GNAI1: variants seen among roughly 807,000 people sequenced by gnomAD.
The protein encoded by GNAI1 is guanine nucleotide-binding protein G(i) subunit alpha-1.
GNAI1 carries 11 observed loss-of-function variants against 38.9 expected under a neutral mutation model. The observed-to-expected ratio is 0.28, with a 90% CI of 0.18 to 0.47. GNAI1 has a LOEUF of 0.47. Ranked by LOEUF, GNAI1 falls within the 20% of genes least tolerant of loss-of-function variation. GNAI1 has a pLI of 0.99. For missense variants in GNAI1, 317 were observed against 436.9 expected (o/e 0.73, Z 2.45); for synonymous variants, 166 against 145.1 (o/e 1.14, Z -1.04).
chr7:80,158,666 C>G (rs185811285), intron 1 of GNAI1, among the ~76,000 whole-genome samples: 1 of 152,304 alleles, frequency 6.6e-6, no homozygotes, highest in Admixed American at 6.5e-5. Flanking sequence ...ATCAGTTAAA[C>G]CTCTTTCCTT....
chr7:80,144,787 G>A (rs1209015346), intron 1 of GNAI1, among the ~76,000 whole-genome samples: 1 of 152,132 alleles, frequency 6.6e-6, no homozygotes, highest in African/African-American at 2.4e-5. Context: ...ATATGGTTCC[G>A]AAGTTAATCT....
At position 80,218,048 on chromosome 7, in the gene GNAI1, A is replaced by C. The variant is rs908203669; in HGVS notation, c.*555A>C. 10 of 152,730 alleles carry C rather than the reference A, an allele frequency of 6.5e-5. No homozygotes were observed. The highest frequency in any genetic ancestry group is 1.3e-4 in the Non-Finnish European group (9 of 68,010). 9.5% of individuals were successfully genotyped at this position (152,730 alleles called of 1,614,324 possible). A position where few individuals can be genotyped will look rare whatever the true frequency, so the allele number is the denominator to read the frequency against. ...AATGTTATTTGTACAAACATTGCACAGACTATTTTAATAACATGATTTGTT... is the reference window on the plus strand; with the variant it reads ...AATGTTATTTGTACAAACATTGCACCGACTATTTTAATAACATGATTTGTT... On this transcript the variant is annotated 3_prime_UTR_variant, in exon 8 of 8. Coordinates refer to ENST00000649796, the MANE Select transcript of GNAI1 (RefSeq NM_002069.6).
chr7:80,212,263 C>T lies in GNAI1; in HGVS notation c.721-453C>T, dbSNP rs150077518. Among the ~76,000 whole-genome samples, 83 of 152,180 alleles carry T rather than the reference C, an allele frequency of 5.5e-4. No individual in the cohort carries two copies. The East Asian group carries it at 0.015, about 27-fold the overall frequency. ...TCAAGAAACAGGAATTGGAAGTGTC[C>T]TTCCAGTATTTATATTTATTATAAT... On this transcript the variant is annotated intron_variant, in intron 6 of 7. Transcript: ENST00000649796.
rs1789069021 is a variant in GNAI1, at chr7:80,221,275, A to ATTTTAATGGTTGTTGTCAGCAAG, written c.*3803_*3804insAGTTTTAATGGTTGTTGTCAGCA. On this transcript the variant is annotated 3_prime_UTR_variant, in exon 8 of 8. Coordinates refer to ENST00000649796, the MANE Select transcript of GNAI1 (RefSeq NM_002069.6). ...TAAATAAGGATTAAATAATCCATTA[A>ATTTTAATGGTTGTTGTCAGCAAG]TTTTAATGGTTGTTGTCAGCATTAA... 6.6e-6 allele frequency among the ~76,000 whole-genome samples: 1 copy of ATTTTAATGGTTGTTGTCAGCAAG among 152,222 alleles called. No individual in the cohort carries two copies. The highest frequency in any genetic ancestry group is 1.5e-5 in the Non-Finnish European group (1 of 68,032).
chr7:80,163,281 C>T (rs1787953874), intron 1 of GNAI1, among the ~76,000 whole-genome samples: 1 of 152,282 alleles, frequency 6.6e-6, no homozygotes, highest in East Asian at 1.9e-4. Context: ...TTATCCTACA[C>T]CTCAGCATGC....
At position 80,135,241 on chromosome 7, in the gene GNAI1, C is replaced by T. The variant is rs1255524521; in HGVS notation, c.81C>T (p.Gly27=). ...TCGACCGCAACCTCCGTGAGGACGGCGAGAAGGCGGCGCGCGAGGTCAAGC... is the reference window on the plus strand; with the variant it reads ...TCGACCGCAACCTCCGTGAGGACGGTGAGAAGGCGGCGCGCGAGGTCAAGC... ...KMIDRNLRED[G]EKAAREVKLL... Residue 27 remains glycine, a synonymous_variant, in exon 1 of 8, where the codon GGC becomes GGT. Transcript: ENST00000649796. The T allele has an allele frequency of 2.6e-6, 4 of 1,538,370 alleles. No individual in the cohort carries two copies. The African/African-American group carries it at 4.3e-5, about 16-fold the overall frequency.
At chr7:80,195,349 C>CT (rs1165148579) in intron 3 of GNAI1, among the ~76,000 whole-genome samples, 1 of 151,770 alleles carries the variant, frequency 6.6e-6, no homozygotes, top group Admixed American at 6.6e-5. Context: ...TTTTTCCCCC[C>CT]TTTTAAGTAT....
chr7:80,206,262 A>G (rs1458859858), intron 5 of GNAI1, among the ~76,000 whole-genome samples: 1 of 152,084 alleles, frequency 6.6e-6, no homozygotes, highest in African/African-American at 2.4e-5. Flanking sequence ...AAACAAAGAT[A>G]TAGGTAATAA....
chr7:80,159,167 G>T lies in GNAI1; in HGVS notation c.118+23889G>T, dbSNP rs1237794962. ...GCTGGCTCAAGTTCTGGTGGCTTGT[G>T]CTCTCACAGTCCCACAGAGACTTTT... On this transcript the variant is annotated intron_variant, in intron 1 of 7. Transcript: ENST00000649796. 2.0e-5 allele frequency among the ~76,000 whole-genome samples: 3 copies of T among 152,250 alleles called. No individual in the cohort carries two copies. In the East Asian group the frequency reaches 5.8e-4, roughly 29 times the overall value.
At chr7:80,189,838 C>G (rs74889527) in intron 3 of GNAI1, among the ~76,000 whole-genome samples, 2 of 152,228 alleles carry the variant, frequency 1.3e-5, no homozygotes, top group East Asian at 3.9e-4. Flanking sequence ...CCATACAGCT[C>G]GTGGTAACCA....
intron 1 of GNAI1, among the ~76,000 whole-genome samples, chr7:80,178,611 A>G (rs1403258580): frequency 6.6e-6 from 1 of 152,198 alleles, no homozygotes; most frequent in East Asian, 1.9e-4. Context: ...TTTTTTAGTA[A>G]TAAAGTATTT....
intron 5 of GNAI1, among the ~76,000 whole-genome samples, chr7:80,205,249 G>T (rs1433706949): frequency 6.6e-6 from 1 of 151,866 alleles, no homozygotes; most frequent in Admixed American, 6.6e-5. Context: ...AAAAATGCTA[G>T]AATTAAATGA....
At chr7:80,147,036 C>T (rs1346896429) in intron 1 of GNAI1, among the ~76,000 whole-genome samples, 1 of 152,094 alleles carries the variant, frequency 6.6e-6, no homozygotes, top group Non-Finnish European at 1.5e-5. Context: ...TTAGGAATGA[C>T]CAAAAACTAT....
intron 4 of GNAI1, among the ~76,000 whole-genome samples, chr7:80,201,438 C>T (rs756075538): frequency 8.5e-5 from 13 of 152,228 alleles, no homozygotes; most frequent in East Asian, 1.9e-4. Flanking sequence ...AAACATAGGC[C>T]GGGCATTGGT....
At chr7:80,209,552 C>T (rs1359440968) in intron 5 of GNAI1, among the ~76,000 whole-genome samples, 5 of 152,040 alleles carry the variant, frequency 3.3e-5, no homozygotes, top group Non-Finnish European at 5.9e-5. Flanking sequence ...TTAAATAACA[C>T]CTAGATAAAT....
chr7:80,169,403 C>G (rs1490970146), intron 1 of GNAI1, among the ~76,000 whole-genome samples: 2 of 152,180 alleles, frequency 1.3e-5, no homozygotes, highest in Non-Finnish European at 2.9e-5. Flanking sequence ...AACACCACCC[C>G]TATCTATTAG....
intron 3 of GNAI1, 69 bp downstream of exon 3, chr7:80,189,300 T>G: frequency 7.6e-7 from 1 of 1,308,384 alleles, no homozygotes. Flanking sequence ...AATACCATAC[T>G]GTGTAACATA....
At chr7:80,149,080 G>A (rs1420291713) in intron 1 of GNAI1, among the ~76,000 whole-genome samples, 1 of 152,042 alleles carries the variant, frequency 6.6e-6, no homozygotes, top group Non-Finnish European at 1.5e-5. Flanking sequence ...TGGACATTTA[G>A]GGAAGCAAAC....
chr7:80,153,317 G>A (rs1473120383), intron 1 of GNAI1, among the ~76,000 whole-genome samples: 1 of 151,774 alleles, frequency 6.6e-6, no homozygotes, highest in Non-Finnish European at 1.5e-5. Context: ...CCTTGGTTTT[G>A]ATTATACAAT....
Sources: allele counts gnomAD v4.1 joint callset (sites outside exome capture counted in the v4.1 genomes callset), GRCh38; gene constraint gnomAD v4.1.1; transcripts MANE v1.5; gene names NCBI Gene and HGNC (gene_info 2026-07-23, HGNC 2026-07-21).